TEK: variants seen among roughly 807,000 people sequenced by gnomAD.
The protein encoded by TEK is angiopoietin-1 receptor.
In TEK, 43 loss-of-function variants were observed where a neutral mutation model predicts 131.8. The ratio of observed to expected loss-of-function variants is 0.33; its 90% CI spans 0.26 to 0.42. TEK has a LOEUF of 0.42. Ranked by LOEUF, TEK falls within the 10% of genes least tolerant of loss-of-function variation. The probability of loss-of-function intolerance (pLI) is 1.00; values close to 1 mark genes in which losing one functional copy is unlikely to be tolerated. For missense variants in TEK, 1,162 were observed against 1,384.4 expected (o/e 0.84, Z 2.55); for synonymous variants, 580 against 491.6 (o/e 1.18, Z -2.38).
At chr9:27,213,421 CA>C (rs1326570169) in intron 17 of TEK, 62 bp from the exon 18 acceptor site, 43 of 1,243,338 alleles carry the variant, frequency 3.5e-5, no homozygotes, top group Non-Finnish European at 4.8e-5. Flanking sequence ...TCCTGTTCCC[CA>C]AAGTTTTCAG....
intron 2 of TEK, 134 bp downstream of exon 2, chr9:27,158,276 TC>T: frequency 9.7e-7 from 1 of 1,034,952 alleles, no homozygotes; most frequent in Non-Finnish European, 1.5e-6. Flanking sequence ...CCTGTCTCTT[TC>T]CATGCATCAC....
intron 20 of TEK, among the ~76,000 whole-genome samples, 156 bp from the exon 21 acceptor site, chr9:27,219,893 G>C (rs1045869711): frequency 1.3e-5 from 2 of 152,170 alleles, no homozygotes; most frequent in African/African-American, 4.8e-5. Flanking sequence ...GCCCAGCTTT[G>C]ATGTGCAGTG....
At chr9:27,124,996 A>G (rs1821937064) in intron 1 of TEK, among the ~76,000 whole-genome samples, 1 of 152,142 alleles carries the variant, frequency 6.6e-6, no homozygotes, top group Non-Finnish European at 1.5e-5. Flanking sequence ...TCGCTCATTT[A>G]TAAGTCCCCT....
At chr9:27,133,920 A>G (rs1822320679) in intron 1 of TEK, among the ~76,000 whole-genome samples, 1 of 152,256 alleles carries the variant, frequency 6.6e-6, no homozygotes, top group African/African-American at 2.4e-5. Flanking sequence ...AAGACAGCCC[A>G]GAGCTGGAAG....
chr9:27,178,353 A>C (rs1824245119), intron 6 of TEK, among the ~76,000 whole-genome samples: 1 of 151,858 alleles, frequency 6.6e-6, no homozygotes, highest in Non-Finnish European at 1.5e-5. Context: ...TACTGTTTTT[A>C]TTACTATAGC....
intron 1 of TEK, among the ~76,000 whole-genome samples, chr9:27,137,256 T>A (rs903225228): frequency 6.6e-6 from 1 of 152,202 alleles, no homozygotes; most frequent in Non-Finnish European, 1.5e-5. Context: ...GATATTTTCA[T>A]ATGTACCCTA....
chr9:27,220,882 G>C (rs1247765478), intron 21 of TEK, among the ~76,000 whole-genome samples: 1 of 152,232 alleles, frequency 6.6e-6, no homozygotes, highest in Non-Finnish European at 1.5e-5. Context: ...GCTAGCTGCA[G>C]GAGTTTCTTT....
chr9:27,132,977 T>C (rs1822281307), intron 1 of TEK, among the ~76,000 whole-genome samples: 1 of 152,208 alleles, frequency 6.6e-6, no homozygotes, highest in Non-Finnish European at 1.5e-5. Flanking sequence ...TGTTCTGTTG[T>C]ATGATGGTAG....
chr9:27,157,817 CTCTT>C lies in TEK; in HGVS notation c.53-11_53-8del, dbSNP rs1271637685. On this transcript the variant is annotated splice_polypyrimidine_tract_variant and intron_variant, in intron 1 of 22. Coordinates refer to ENST00000380036, the MANE Select transcript of TEK (RefSeq NM_000459.5). The stretch of plus-strand genomic sequence containing the variant: ...TAACCTTAGTCATACATTATTGTCT[CTCTT>C]TCCTTTTAGGAACTGTGGAAGGTGC... The C allele has an allele frequency of 6.2e-7, 1 of 1,614,070 alleles. No individual in the cohort carries two copies. The highest frequency in any genetic ancestry group is 8.5e-7 in the Non-Finnish European group (1 of 1,179,942).
chr9:27,148,025 C>T (rs1212583814), intron 1 of TEK, among the ~76,000 whole-genome samples: 1 of 151,552 alleles, frequency 6.6e-6, no homozygotes, highest in East Asian at 1.9e-4. Flanking sequence ...AGTCATAGTA[C>T]CTACTGCCTA....
chr9:27,138,795 G>A (rs1822603727), intron 1 of TEK, among the ~76,000 whole-genome samples: 1 of 152,170 alleles, frequency 6.6e-6, no homozygotes, highest in South Asian at 2.1e-4. Context: ...TGTTACTAGA[G>A]TGGAGTACAG....
chr9:27,122,094 CGTCA>C (rs1304125740), intron 1 of TEK, among the ~76,000 whole-genome samples: 1 of 152,168 alleles, frequency 6.6e-6, no homozygotes, highest in East Asian at 1.9e-4. Flanking sequence ...AGGCAATGCC[CGTCA>C]GTAGAGAAAT....
chr9:27,188,758 G>C (rs549772330), intron 9 of TEK, among the ~76,000 whole-genome samples: 1 of 152,126 alleles, frequency 6.6e-6, no homozygotes, highest in African/African-American at 2.4e-5. Flanking sequence ...TAGGCACTGG[G>C]AATAGAGCAG....
intron 6 of TEK, among the ~76,000 whole-genome samples, chr9:27,175,585 CTAGT>C (rs747774325): frequency 3.9e-5 from 6 of 152,006 alleles, no homozygotes; most frequent in Non-Finnish European, 8.8e-5. Context: ...AATGGTTGAA[CTAGT>C]TTTCAGTCCC....
rs150236410 is a variant in TEK, at chr9:27,192,546, G to A, written c.1547G>A (p.Cys516Tyr). Residue 516 changes from cysteine (C) to tyrosine (Y), a missense_variant, in exon 11 of 23, where the codon TGT (cysteine) becomes TAT (tyrosine). By Grantham distance (194) the Cys-to-Tyr change is radical. Transcript: ENST00000380036. ...YLEPRTEYEL[C>Y]VQLVRRGEGG... Reference sequence around the variant, plus strand: ...GAACCTCGGACAGAATATGAACTCTGTGTGCAACTGGTCCGTCGTGGAGAG... The same window carrying A: ...GAACCTCGGACAGAATATGAACTCTATGTGCAACTGGTCCGTCGTGGAGAG... The A allele has an allele frequency of 1.9e-6, 3 of 1,614,014 alleles. No individual in the cohort carries two copies. The highest frequency in any genetic ancestry group is 2.5e-6 in the Non-Finnish European group (3 of 1,179,940).
Position 27,158,156 on chromosome 9 carries a change from A to G in TEK, c.364+14A>G, listed in dbSNP as rs776440837. On this transcript the variant is annotated intron_variant, in intron 2 of 22. Transcript: ENST00000380036. The stretch of plus-strand genomic sequence containing the variant: ...TGCGTCAACAAGGTAACATGCCCCT[A>G]AGTTTTGGGCAGGTGAGGCCCACTG... 2 of 1,613,934 alleles carry G rather than the reference A, an allele frequency of 1.2e-6. No individual in the cohort carries two copies. Among genetic ancestry groups the G allele is most frequent in the Non-Finnish European group, 1.7e-6 (2 of 1,179,996 alleles).
chr9:27,224,802 A>G (rs1826247025), intron 21 of TEK, among the ~76,000 whole-genome samples: 1 of 152,244 alleles, frequency 6.6e-6, no homozygotes, highest in African/African-American at 2.4e-5. Context: ...AAATAGGAAG[A>G]GAGGAAGTCA....
chr9:27,145,132 A>G lies in TEK; in HGVS notation c.53-12699A>G, dbSNP rs1822866734. The stretch of plus-strand genomic sequence containing the variant: ...ACCCAAGAAGCAACTTCTTAAGCTC[A>G]TCTCCAAATAGCCCCCTGATCTCCC... On this transcript the variant is annotated intron_variant, in intron 1 of 22. Coordinates refer to ENST00000380036, the MANE Select transcript of TEK (RefSeq NM_000459.5). 3.3e-5 allele frequency among the ~76,000 whole-genome samples: 5 copies of G among 152,176 alleles called. No homozygotes were observed. In the South Asian group the frequency reaches 1.0e-3, roughly 31 times the overall value.
intron 1 of TEK, among the ~76,000 whole-genome samples, chr9:27,156,357 C>A (rs1218296718): frequency 3.9e-5 from 6 of 151,930 alleles, no homozygotes. Flanking sequence ...AAAATAATCA[C>A]AAATTATGGT....
Sources: allele counts gnomAD v4.1 joint callset (sites outside exome capture counted in the v4.1 genomes callset), GRCh38; gene constraint gnomAD v4.1.1; transcripts MANE v1.5; gene names NCBI Gene and HGNC (gene_info 2026-07-23, HGNC 2026-07-21).